The following SYNM variants were observed in gnomAD, a reference collection of about 807,000 sequenced individuals.
SYNM encodes the protein desmuslin.
A neutral mutation model predicts 104.0 loss-of-function variants in SYNM; 95 were observed. The observed-to-expected ratio is 0.91, with a 90% CI of 0.77 to 1.08. The LOEUF (loss-of-function observed/expected upper bound fraction) is 1.08, where lower values mean the gene tolerates loss of function less well. Ranked by LOEUF, SYNM falls within the 50% of genes least tolerant of loss-of-function variation. The pLI is 0.00. For synonymous variants in SYNM, 918 were observed against 869.0 expected (o/e 1.06, Z -0.99); for missense variants, 2,150 against 2,052.2 (o/e 1.05, Z -0.92).
Position 99,126,703 on chromosome 15 carries a change from T to G in SYNM, c.936-19T>G. 6.4e-7 allele frequency: 1 copy of G among 1,562,318 alleles called. No individual in the cohort carries two copies. Among genetic ancestry groups the G allele is most frequent in the African/African-American group, 1.4e-5 (1 of 73,740 alleles). ...TCTTTCGTTTCCTAATGAATTATGT[T>G]TGTAAATTATTTTTACAGGGCCTTA... On this transcript the variant is annotated intron_variant, in intron 2 of 3. Coordinates refer to ENST00000336292, the MANE Select transcript of SYNM (RefSeq NM_145728.3).
At chr15:99,117,709 A>G (rs2067362415) in intron 2 of SYNM, among the ~76,000 whole-genome samples, 1 of 151,544 alleles carries the variant, frequency 6.6e-6, no homozygotes, top group South Asian at 2.1e-4. Flanking sequence ...AAACATGGGC[A>G]TCCTGCCTCA....
At chr15:99,116,399 G>GGTCCACATGGCAGGATGGTCTCT (rs374142821) in intron 2 of SYNM, among the ~76,000 whole-genome samples, 1 of 146,986 alleles carries the variant, frequency 6.8e-6, no homozygotes, top group African/African-American at 2.4e-5. Flanking sequence ...TCCTCAGACT[G>GGTCCACATGGCAGGATGGTCTCT]CCCCAAGTCA....
Position 99,105,420 on chromosome 15 carries a change from T to C in SYNM, c.221T>C (p.Leu74Pro). 1 of 1,495,778 alleles carries C rather than the reference T, an allele frequency of 6.7e-7. No homozygotes were observed. The highest frequency in any genetic ancestry group is 8.9e-7 in the Non-Finnish European group (1 of 1,129,732). The allele number at this position is 1,495,778 out of a possible 1,614,324, so 92.7% of individuals were successfully genotyped here. A position where few individuals can be genotyped will look rare whatever the true frequency, so the allele number is the denominator to read the frequency against. The change falls in exon 1 of 4, where the codon CTG becomes CCG. Residue 74 changes from leucine (L) to proline (P), a missense_variant. Coordinates refer to ENST00000336292, the MANE Select transcript of SYNM (RefSeq NM_145728.3). Reference protein sequence around the residue: ...ARSLRQQLDELSWATALAEGE... With the variant: ...ARSLRQQLDEPSWATALAEGE... ...AGCTTGCGGCAGCAGCTGGACGAGCTGAGCTGGGCCACTGCGCTGGCGGAG... is the reference window on the plus strand; with the variant it reads ...AGCTTGCGGCAGCAGCTGGACGAGCCGAGCTGGGCCACTGCGCTGGCGGAG...
At chr15:99,120,789 G>T (rs1358270735) in intron 2 of SYNM, among the ~76,000 whole-genome samples, 4 of 152,174 alleles carry the variant, frequency 2.6e-5, no homozygotes, top group Non-Finnish European at 5.9e-5. Context: ...ATTGATGAAG[G>T]TCTTGAAAGA....
intron 1 of SYNM, among the ~76,000 whole-genome samples, chr15:99,109,680 C>T (rs2067283152): frequency 6.6e-6 from 1 of 152,236 alleles, no homozygotes; most frequent in Non-Finnish European, 1.5e-5. Context: ...GTTCAGCTAA[C>T]AGCCGTTGAG....
chr15:99,126,963 T>C (rs1444328336), intron 3 of SYNM, among the ~76,000 whole-genome samples, 171 bp downstream of exon 3: 1 of 152,212 alleles, frequency 6.6e-6, no homozygotes, highest in Non-Finnish European at 1.5e-5. Flanking sequence ...GTGACATAAT[T>C]TCAATTATGT....
Position 99,131,266 on chromosome 15 carries a change from C to T in SYNM, c.2906C>T (p.Ser969Phe). 1.2e-6 allele frequency: 2 copies of T among 1,611,308 alleles called. No homozygotes were observed. The highest frequency in any genetic ancestry group is 1.7e-6 in the Non-Finnish European group (2 of 1,179,056). ...TLPERMREEL[S>F]ALTREGQGGP... ...CCCGAGCGCATGAGGGAGGAGCTGT[C>T]CGCCCTCACCAGAGAGGGGCAGGGT... Residue 969 changes from serine to phenylalanine, a missense_variant, in exon 4 of 4, where the codon TCC (serine) becomes TTC (phenylalanine). Physicochemically the swap from Ser to Phe is radical, Grantham distance 155. Transcript: ENST00000336292. This position sits in a 1 kb window ranked among gnomAD's most constrained non-coding sequence, Gnocchi z 4.3.
chr15:99,108,594 C>T (rs782558717), intron 1 of SYNM, among the ~76,000 whole-genome samples: 1 of 152,162 alleles, frequency 6.6e-6, no homozygotes, highest in Non-Finnish European at 1.5e-5. Flanking sequence ...GCAAGTGCTT[C>T]GTGTGTGCCA....
intron 1 of SYNM, among the ~76,000 whole-genome samples, chr15:99,107,958 TTTTG>T (rs2067264711): frequency 1.8e-5 from 1 of 55,340 alleles, no homozygotes; most frequent in African/African-American, 1.7e-4. Context: ...TTTGTTTTTT[TTTTG>T]GTTTTGGTTT....
At position 99,132,760 on chromosome 15, in the gene SYNM, G is replaced by A. The variant is rs201159575; in HGVS notation, c.4400G>A (p.Ser1467Asn). 4 of 1,613,836 alleles carry A rather than the reference G, an allele frequency of 2.5e-6. No homozygotes were observed. The highest frequency in any genetic ancestry group is 2.5e-6 in the Non-Finnish European group (3 of 1,179,900). Residue 1467 changes from serine (S) to asparagine (N), a missense_variant, in exon 4 of 4, where the codon AGT (serine) becomes AAT (asparagine). By Grantham distance (46) the Ser-to-Asn change is conservative (BLOSUM62 1). Coordinates refer to ENST00000336292, the MANE Select transcript of SYNM (RefSeq NM_145728.3). ...TCGTTTACCTTTCAGATGGATGTGA[G>A]TAACGTAGAGGCGATCCGCAGCCGG... is the stretch of plus-strand genomic sequence containing the variant. ...ETSFTFQMDV[S>N]NVEAIRSRTQ...
At chr15:99,123,132 T>C (rs1277636565) in intron 2 of SYNM, among the ~76,000 whole-genome samples, 2 of 152,152 alleles carry the variant, frequency 1.3e-5, no homozygotes, top group Non-Finnish European at 2.9e-5. Flanking sequence ...GTTCTCTCCA[T>C]TTCAGAAATA....
chr15:99,110,263 C>T (rs1555483269), intron 1 of SYNM, among the ~76,000 whole-genome samples: 1 of 152,224 alleles, frequency 6.6e-6, no homozygotes, highest in Non-Finnish European at 1.5e-5. Flanking sequence ...GCTTGGCACA[C>T]TAAATGCTCA....
At chr15:99,139,040 C>T (rs2067896479), downstream of SYNM, 24 of 478,462 alleles carry the variant, frequency 5.0e-5, no homozygotes, top group South Asian at 4.8e-4. Context: ...CGGGGCCCTC[C>T]CCCTGCAGCA....
intron 2 of SYNM, among the ~76,000 whole-genome samples, chr15:99,117,963 A>G (rs528533826): frequency 4.6e-5 from 7 of 152,316 alleles, no homozygotes; most frequent in African/African-American, 1.4e-4. Flanking sequence ...TCGTGCTTTC[A>G]GGGGAGCAAG....
chr15:99,109,841 G>C (rs1024226313), intron 1 of SYNM, among the ~76,000 whole-genome samples: 17 of 152,172 alleles, frequency 1.1e-4, no homozygotes, highest in African/African-American at 4.1e-4. Flanking sequence ...TGCCGGTGTG[G>C]CTAGGGCACA....
At chr15:99,129,029 G>T (rs2151808902) in intron 3 of SYNM, 1 of 223,130 alleles carries the variant, frequency 4.5e-6, no homozygotes, top group Non-Finnish European at 8.9e-6. Flanking sequence ...ATATAAGATT[G>T]TGAAATTTCA....
In SYNM at chr15:99,105,561, A is replaced by C. The variant is rs1210132444; in HGVS notation, c.362A>C (p.Gln121Pro). The change falls in exon 1 of 4, where the codon CAG becomes CCG. Residue 121 changes from glutamine (Q) to proline (P), a missense_variant. Physicochemically the swap from Gln to Pro is moderately conservative, Grantham distance 76 (BLOSUM62 -1). Coordinates refer to ENST00000336292, the MANE Select transcript of SYNM (RefSeq NM_145728.3). ...AELGAQQREL[Q>P]EALGARAALE... ...CTGGGTGCGCAGCAGCGCGAGCTGCAGGAGGCGCTGGGCGCGCGCGCCGCC... is the reference window on the plus strand; with the variant it reads ...CTGGGTGCGCAGCAGCGCGAGCTGCCGGAGGCGCTGGGCGCGCGCGCCGCC... The C allele has an allele frequency of 8.6e-5, 102 of 1,182,258 alleles. No individual in the cohort carries two copies. The highest frequency in any genetic ancestry group is 1.4e-4 in the Admixed American group (3 of 21,552). 73.2% of individuals were successfully genotyped at this position (1,182,258 alleles called of 1,614,324 possible). A position where few individuals can be genotyped will look rare whatever the true frequency, so the allele number is the denominator to read the frequency against.
In SYNM at chr15:99,133,005, G is replaced by T. The variant is rs782156525; in HGVS notation, c.4645G>T (p.Ala1549Ser). 3.1e-6 allele frequency: 5 copies of T among 1,613,860 alleles called. No homozygotes were observed. In the South Asian group the frequency reaches 4.4e-5, roughly 14 times the overall value. ...GGTGATTTCAGATGAAAAGAAAGTT[G>T]CCCTCCTCTATCTAGACAATGAGGA... The part of the protein sequence containing the change: ...RSVISDEKKV[A>S]LLYLDNEEEE... Residue 1549 changes from alanine (A) to serine (S), a missense_variant, in exon 4 of 4, where the codon GCC becomes TCC. Ala to Ser is a moderately conservative substitution (Grantham distance 99). Coordinates refer to ENST00000336292, the MANE Select transcript of SYNM (RefSeq NM_145728.3).
In SYNM at chr15:99,126,764, G is replaced by A. The variant is rs782252541; in HGVS notation, c.978G>A (p.Trp326Ter). ...AAAGTAATCCAGAGATAGTGATCTG[G>A]GCTGAGCACGTTGAAAACATGCCGT... The part of the protein sequence containing the change: ...EGESNPEIVI[W>*]AEHVENMPSE... Residue 326 changes from tryptophan to a stop codon, truncating the protein, a stop_gained, in exon 3 of 4, where the codon TGG (tryptophan) becomes TGA (stop). Coordinates refer to ENST00000336292, the MANE Select transcript of SYNM (RefSeq NM_145728.3). LOFTEE classifies it low-confidence loss of function (END_TRUNC). 6.3e-7 allele frequency: 1 copy of A among 1,579,112 alleles called. No homozygotes were observed. Among genetic ancestry groups the A allele is most frequent in the Non-Finnish European group, 8.6e-7 (1 of 1,161,512 alleles).
Sources: allele counts gnomAD v4.1 joint callset (sites outside exome capture counted in the v4.1 genomes callset), GRCh38; gene constraint gnomAD v4.1.1; non-coding constraint Gnocchi (gnomAD v3.1); transcripts MANE v1.5; gene names NCBI Gene and HGNC (gene_info 2026-07-23, HGNC 2026-07-21).